The following ANAPC7 variants were observed in gnomAD, a reference collection of about 807,000 sequenced individuals.
The protein encoded by ANAPC7 is anaphase-promoting complex subunit 7.
Under a neutral mutation model 63.3 loss-of-function variants are expected in ANAPC7, and 25 were observed. The ratio of observed to expected loss-of-function variants is 0.39; its 90% confidence interval spans 0.29 to 0.55. The LOEUF is 0.55. ANAPC7 is among the 20% of genes least tolerant of loss of function. The pLI is 0.57. For missense variants in ANAPC7, 516 were observed against 691.7 expected (o/e 0.75, Z 2.85); for synonymous variants, 241 against 251.7 (o/e 0.96, Z 0.40).
chr12:110,394,949 G>A (rs948701316), intron 3 of ANAPC7, 152 bp downstream of exon 3: 16 of 833,304 alleles, frequency 1.9e-5, no homozygotes, highest in Non-Finnish European at 2.9e-5. Flanking sequence ...GATTTTCAGG[G>A]TCCCCCACCC....
intron 3 of ANAPC7, among the ~76,000 whole-genome samples, chr12:110,389,952 C>T (rs1002458690): frequency 6.0e-5 from 9 of 151,246 alleles, no homozygotes; most frequent in Non-Finnish European, 1.3e-4. Context: ...AAAAAAAACC[C>T]ACAAAAACAA....
intron 1 of ANAPC7, among the ~76,000 whole-genome samples, chr12:110,401,950 C>CA (rs747810973): frequency 0.073 from 3,331 of 45,796 alleles, 286 homozygotes; most frequent in African/African-American, 0.085. Context: ...GACTCCGTCT[C>CA]AAAAAAAAAA....
intron 1 of ANAPC7, among the ~76,000 whole-genome samples, chr12:110,399,492 T>C (rs140605189): frequency 0.028 from 4,232 of 151,666 alleles, 86 homozygotes; most frequent in Middle Eastern, 0.082. Context: ...CATCATACAT[T>C]AGTGTTTGCG....
At chr12:110,377,894 A>T (rs1228298628) in intron 8 of ANAPC7, 1 of 1,139,662 alleles carries the variant, frequency 8.8e-7, no homozygotes, top group African/African-American at 1.6e-5. Context: ...GCAGCATGTG[A>T]GCACCCCATC....
intron 8 of ANAPC7, among the ~76,000 whole-genome samples, chr12:110,380,830 G>A (rs771449357): frequency 8.2e-5 from 12 of 146,882 alleles, no homozygotes; most frequent in Non-Finnish European, 1.6e-4. Context: ...CCTAGCTACT[G>A]GGGAGGCTGA....
chr12:110,386,532 T>A, intron 5 of ANAPC7, 63 bp from the exon 6 acceptor site: 1 of 1,389,130 alleles, frequency 7.2e-7, no homozygotes, highest in Non-Finnish European at 1.0e-6. Context: ...AGTTGCTGAA[T>A]CTGGATGATT....
rs1883457908 is a variant in ANAPC7, at chr12:110,395,102, T to C, written c.407A>G (p.Lys136Arg). ...AAAACACATAAACATTCAACTTACTTTGGGAGTTCTTTGTCTTGAAGGGAT... is the reference window on the plus strand; with the variant it reads ...AAAACACATAAACATTCAACTTACTCTGGGAGTTCTTTGTCTTGAAGGGAT... ...DGIPSRQRTP[K>R]INMMLANLYK... The change falls in exon 3 of 11, where the codon AAA becomes AGA. Residue 136 changes from lysine (K) to arginine (R), a missense_variant and splice_region_variant. Transcript: ENST00000455511. 1 of 1,611,884 alleles carries C rather than the reference T, an allele frequency of 6.2e-7. No homozygotes were observed.
chr12:110,375,982 T>TGC, intron 10 of ANAPC7, 84 bp downstream of exon 10: 2 of 1,466,506 alleles, frequency 1.4e-6, no homozygotes, highest in Non-Finnish European at 1.8e-6. Context: ...AAAGTGTGTG[T>TGC]GTGTTTCCAT....
chr12:110,401,383 G>T (rs1325449921), intron 1 of ANAPC7, among the ~76,000 whole-genome samples: 1 of 152,194 alleles, frequency 6.6e-6, no homozygotes, highest in African/African-American at 2.4e-5. Context: ...GCATGTGAGT[G>T]CTTATTGCGC....
chr12:110,396,340 G>T lies in ANAPC7; in HGVS notation c.214C>A (p.Gln72Lys). 6.2e-7 allele frequency: 1 copy of T among 1,613,720 alleles called. No homozygotes were observed. Among genetic ancestry groups the T allele is most frequent in the Non-Finnish European group, 8.5e-7 (1 of 1,179,926 alleles). ...GAAGTTTTACTTAGCGCTTTCTTCT[G>T]CTGTAAAGCCATGGTATACTTACTC... is the stretch of plus-strand genomic sequence containing the variant. ...AVSKYTMALQ[Q>K]KKALSKTSKV... is the part of the protein sequence containing the mutation. Residue 72 changes from glutamine (Q) to lysine (K), a missense_variant, in exon 2 of 11, where the codon CAG becomes AAG. Around this residue, in one of 4 missense-constraint regions of ANAPC7, gnomAD observed 185 missense variants for 200.3 expected, o/e 0.92. Coordinates refer to ENST00000455511, the MANE Select transcript of ANAPC7 (RefSeq NM_016238.3).
At position 110,386,377 on chromosome 12, in the gene ANAPC7, G is replaced by C. The variant is rs1279174952; in HGVS notation, c.767C>G (p.Ser256Cys). ...CTGTGCCTGTTCAAACTTGAGGACA[G>C]AGTTTTTATTGTCTCCAGCTCTGAA... The part of the protein sequence containing the change: ...LYFRAGDNKN[S>C]VLKFEQAQML... Residue 256 changes from serine (S) to cysteine (C), a missense_variant, in exon 6 of 11, where the codon TCT becomes TGT. This residue lies in a region of ANAPC7 where 199 missense variants were observed against 249.3 expected (regional missense o/e 0.80). Coordinates refer to ENST00000455511, the MANE Select transcript of ANAPC7 (RefSeq NM_016238.3). 2 of 1,614,116 alleles carry C rather than the reference G, an allele frequency of 1.2e-6. No individual in the cohort carries two copies. The highest frequency in any genetic ancestry group is 1.1e-5 in the South Asian group (1 of 91,084).
At chr12:110,377,088 G>C (rs1881356329) in intron 9 of ANAPC7, among the ~76,000 whole-genome samples, 1 of 146,300 alleles carries the variant, frequency 6.8e-6, no homozygotes, top group Non-Finnish European at 1.5e-5. Flanking sequence ...AGTGAGCTGA[G>C]ATCGCACCAC....
chr12:110,384,609 A>G (rs1469350327), intron 6 of ANAPC7, among the ~76,000 whole-genome samples: 1 of 150,984 alleles, frequency 6.6e-6, no homozygotes, highest in Non-Finnish European at 1.5e-5. Context: ...TGCTTAAACC[A>G]GGAGGTGGAG....
Position 110,396,310 on chromosome 12 carries a change from C to T in ANAPC7, c.244G>A (p.Val82Met), listed in dbSNP as rs1471680817. 6.2e-7 allele frequency: 1 copy of T among 1,613,576 alleles called. No homozygotes were observed. The highest frequency in any genetic ancestry group is 1.3e-5 in the African/African-American group (1 of 74,862). ...GCAGAATTTCCAGTTGAAGGTCTCA[C>T]TTTTGAAGTTTTACTTAGCGCTTTC... ...QKKALSKTSK[V>M]RPSTGNSAST... The change falls in exon 2 of 11, where the codon GTG (valine) becomes ATG (methionine). Residue 82 changes from valine to methionine, a missense_variant. Val to Met is a conservative substitution (Grantham distance 21, BLOSUM62 1). This residue lies in a region of ANAPC7 where 185 missense variants were observed against 200.3 expected (regional missense o/e 0.92). Coordinates refer to ENST00000455511, the MANE Select transcript of ANAPC7 (RefSeq NM_016238.3).
intron 1 of ANAPC7, among the ~76,000 whole-genome samples, chr12:110,397,837 G>C (rs1306804459): frequency 6.6e-6 from 1 of 151,988 alleles, no homozygotes; most frequent in Non-Finnish European, 1.5e-5. Flanking sequence ...AGAGGTTGCT[G>C]TGAGCCGAGA....
rs56355505 is a variant in ANAPC7, at chr12:110,398,420, G to GA, written c.102-1969dup. Among the ~76,000 whole-genome samples the GA allele has an allele frequency of 2.9e-3, 420 of 144,560 alleles. 1 individual carries two copies. Among genetic ancestry groups the GA allele is most frequent in the Non-Finnish European group, 4.7e-3 (306 of 65,610 alleles). The allele number at this position is 144,560 out of a possible 152,430, so 94.8% of individuals were successfully genotyped here. ...CAACAGGGAATGAAACCCTGTCTCA[G>GA]AAAAAAAAAAAAGTAAACTTCACTA... On this transcript the variant is annotated intron_variant, in intron 1 of 10. Transcript: ENST00000455511.
chr12:110,388,695 C>A (rs1302015585), intron 3 of ANAPC7, 72 bp from the exon 4 acceptor site: 1 of 1,174,246 alleles, frequency 8.5e-7, no homozygotes, highest in South Asian at 1.3e-5. Flanking sequence ...ATGAAAAAGT[C>A]CTAATTTTCA....
chr12:110,382,477 T>TATATAA (rs1882019926), intron 7 of ANAPC7, among the ~76,000 whole-genome samples: 3 of 130,180 alleles, frequency 2.3e-5, no homozygotes, highest in Non-Finnish European at 4.9e-5. Context: ...TATATATATA[T>TATATAA]ATATATATAT....
intron 3 of ANAPC7, among the ~76,000 whole-genome samples, chr12:110,394,186 A>T (rs887759870): frequency 2.0e-5 from 3 of 151,638 alleles, no homozygotes. Context: ...AAAACAAAAA[A>T]AACAAAACAA....
Sources: allele counts gnomAD v4.1 joint callset (sites outside exome capture counted in the v4.1 genomes callset), GRCh38; gene constraint gnomAD v4.1.1; regional missense constraint gnomAD v4.1.1; transcripts MANE v1.5; gene names NCBI Gene and HGNC (gene_info 2026-07-23, HGNC 2026-07-21).